CDYL: variants seen among roughly 807,000 people sequenced by gnomAD.
The protein encoded by CDYL is chromodomain Y like, also known as chromodomain Y-like protein.
A neutral mutation model predicts 47.3 loss-of-function variants in CDYL; 8 were observed. The observed-to-expected ratio is 0.17, with a 90% CI of 0.10 to 0.31. CDYL has a LOEUF of 0.31. Among genes scored for constraint, CDYL ranks in the 10% least tolerant of loss-of-function variants. The pLI is 1.00. For synonymous variants in CDYL, 266 were observed against 265.0 expected, an observed-to-expected ratio of 1.00 and a Z score of -0.04; for missense variants, 471 against 701.4, an observed-to-expected ratio of 0.67 and a Z score of 3.71.
rs1758446238 is a variant in CDYL at position 4,944,200 on chromosome 6, G to A, written c.1332+444G>A. On this transcript the variant is annotated intron_variant, in intron 5 of 6. Transcript: ENST00000397588. The stretch of plus-strand genomic sequence containing the variant: ...CATTATAGTAGTTTGTGTTTGTATT[G>A]TAGCTTGTGATTTATCAAGCAGTTA... Among the ~76,000 whole-genome samples the A allele has an allele frequency of 2.0e-5, 3 of 152,280 alleles. No homozygotes were observed. The South Asian group carries it at 6.2e-4, about 32-fold the overall frequency.
At chr6:4,879,162 G>C (rs374466041) in intron 1 of CDYL, among the ~76,000 whole-genome samples, 1 of 152,118 alleles carries the variant, frequency 6.6e-6, no homozygotes, top group South Asian at 2.1e-4. Flanking sequence ...AGATACATTC[G>C]ACAGTTGGAT....
intron 1 of CDYL, among the ~76,000 whole-genome samples, chr6:4,778,901 T>C (rs1211278354): frequency 6.6e-6 from 1 of 152,116 alleles, no homozygotes; most frequent in Non-Finnish European, 1.5e-5. Context: ...TCCAACTCTA[T>C]CACCTTGGGT....
In CDYL at chr6:4,717,703, C is replaced by CAAAAA. The variant is rs200835710; in HGVS notation, c.103+1855_103+1859dup. On this transcript the variant is annotated intron_variant, in intron 2 of 8. Coordinates refer to the CDYL transcript ENST00000328908. The stretch of plus-strand genomic sequence containing the variant: ...TTAGGCAACAGAACAAAGACCCTCA[C>CAAAAA]AAAAAAAAAAAAAAAAAAAAAAAAA... Among the ~76,000 whole-genome samples, 61 of 49,342 alleles carry CAAAAA rather than the reference C, an allele frequency of 1.2e-3. 2 individuals are homozygous for CAAAAA. Among genetic ancestry groups the CAAAAA allele is most frequent in the African/African-American group, 5.0e-3 (54 of 10,720 alleles). The allele number at this position is 49,342 out of a possible 152,430, so 32.4% of individuals were successfully genotyped here. A position where few individuals can be genotyped will look rare whatever the true frequency, so the allele number is the denominator to read the frequency against.
At chr6:4,856,829 A>G (rs555604300) in intron 1 of CDYL, among the ~76,000 whole-genome samples, 1 of 152,324 alleles carries the variant, frequency 6.6e-6, no homozygotes, top group African/African-American at 2.4e-5. Flanking sequence ...CAAGAAGATA[A>G]TAGAATCATT....
chr6:4,918,377 C>A (rs200234258), intron 2 of CDYL, among the ~76,000 whole-genome samples: 15 of 150,184 alleles, frequency 1.0e-4, no homozygotes, highest in Non-Finnish European at 1.3e-4. Flanking sequence ...CTGCCCCCCC[C>A]CCTTTTTTTT....
intron 3 of CDYL, among the ~76,000 whole-genome samples, chr6:4,763,208 A>C (rs1758202770): frequency 6.6e-6 from 1 of 152,210 alleles, no homozygotes; most frequent in South Asian, 2.1e-4. Flanking sequence ...AGGTAAAATA[A>C]ATAACTTTTT....
intron 1 of CDYL, among the ~76,000 whole-genome samples, chr6:4,845,858 G>A (rs920268537): frequency 9.9e-5 from 15 of 152,098 alleles, no homozygotes; most frequent in South Asian, 2.1e-4. Flanking sequence ...GATTTGGCCC[G>A]CAGACCAATT....
At chr6:4,718,041 C>T (rs1445329051) in intron 2 of CDYL, among the ~76,000 whole-genome samples, 2 of 152,000 alleles carry the variant, frequency 1.3e-5, no homozygotes. Context: ...TGGTGTCTCA[C>T]TATACTGCCC....
intron 1 of CDYL, among the ~76,000 whole-genome samples, chr6:4,804,324 G>A (rs1024620754): frequency 2.1e-4 from 32 of 152,184 alleles, no homozygotes; most frequent in African/African-American, 7.5e-4. Context: ...GAAGTGCGGG[G>A]CGCTGCCTAA....
intron 2 of CDYL, among the ~76,000 whole-genome samples, chr6:4,918,369 G>T (rs78970880): frequency 6.7e-6 from 1 of 148,532 alleles, no homozygotes; most frequent in Admixed American, 6.7e-5. Context: ...GTGATGTTCT[G>T]CCCCCCCCCC....
intron 1 of CDYL, among the ~76,000 whole-genome samples, chr6:4,803,288 C>T (rs1370148797): frequency 6.6e-6 from 1 of 152,202 alleles, no homozygotes; most frequent in Non-Finnish European, 1.5e-5. Context: ...CTATCCTCTG[C>T]TTCCTCTGCA....
intron 1 of CDYL, among the ~76,000 whole-genome samples, chr6:4,789,225 A>G (rs1561638410): frequency 1.3e-5 from 2 of 152,102 alleles, no homozygotes; most frequent in East Asian, 3.9e-4. Context: ...ATGGGTGTGC[A>G]CCACCGTGCC....
At chr6:4,940,196 T>TG (rs1184868213) in intron 4 of CDYL, among the ~76,000 whole-genome samples, 1 of 152,220 alleles carries the variant, frequency 6.6e-6, no homozygotes, top group Admixed American at 6.5e-5. Context: ...CACAAAAAGC[T>TG]GGATTGATAT....
intron 1 of CDYL, among the ~76,000 whole-genome samples, chr6:4,781,974 G>C (rs80159217): frequency 6.7e-6 from 1 of 150,290 alleles, no homozygotes; most frequent in Admixed American, 6.6e-5. Flanking sequence ...CTTATGTTCC[G>C]AGAAGCTTCT....
chr6:4,757,507 C>T (rs1449287133), intron 3 of CDYL, among the ~76,000 whole-genome samples: 1 of 152,090 alleles, frequency 6.6e-6, no homozygotes, highest in Admixed American at 6.5e-5. Flanking sequence ...TAATCTAGCC[C>T]AAGCTCTTTG....
chr6:4,892,655 A>G (rs1471589281), intron 2 of CDYL, among the ~76,000 whole-genome samples: 1 of 152,164 alleles, frequency 6.6e-6, no homozygotes, highest in African/African-American at 2.4e-5. Flanking sequence ...TTATTAGGTG[A>G]TAAGTTTTTA....
At chr6:4,723,763 G>A (rs1200324221) in intron 2 of CDYL, among the ~76,000 whole-genome samples, 2 of 152,160 alleles carry the variant, frequency 1.3e-5, no homozygotes, top group African/African-American at 4.8e-5. Flanking sequence ...CATAAGCCTG[G>A]CCCCTGCTCT....
intron 2 of CDYL, among the ~76,000 whole-genome samples, chr6:4,931,126 G>T (rs1293536098): frequency 3.3e-5 from 5 of 152,168 alleles, no homozygotes; most frequent in African/African-American, 9.7e-5. Flanking sequence ...GAGGGATCTG[G>T]ACTAAAGAGA....
intron 1 of CDYL, chr6:4,836,171 C>G (rs539412269): frequency 2.8e-6 from 1 of 362,908 alleles, no homozygotes; most frequent in Non-Finnish European, 3.8e-6. Context: ...TCTTCTGCGT[C>G]GCTCACGCTG....
Sources: gnomAD v4.1 joint callset for allele counts (sites outside exome capture counted in the v4.1 genomes callset) on GRCh38, gnomAD v4.1.1 for gene constraint, MANE v1.5 for transcripts, NCBI Gene and HGNC (gene_info 2026-07-23, HGNC 2026-07-21) for gene names.